The following GNAQ variants were observed in gnomAD, a reference collection of about 807,000 sequenced individuals.
The protein encoded by GNAQ is G protein subunit alpha q, also known as guanine nucleotide-binding protein G(q) subunit alpha.
GNAQ carries 8 observed loss-of-function variants against 43.9 expected under a neutral mutation model. That is an observed-to-expected ratio of 0.18 (90% CI 0.11 to 0.33). The LOEUF (loss-of-function observed/expected upper bound fraction) is 0.33. GNAQ is among the 10% of genes least tolerant of loss of function. GNAQ has a pLI of 1.00. For synonymous variants in GNAQ, 155 were observed against 170.7 expected (o/e 0.91, Z 0.71); for missense variants, 158 against 450.8 (o/e 0.35, Z 5.88).
intron 6 of GNAQ, among the ~76,000 whole-genome samples, chr9:77,724,877 AATAT>A (rs201997917): frequency 0.012 from 1,871 of 152,166 alleles, 37 homozygotes; most frequent in African/African-American, 0.042. Flanking sequence ...TATACAAGCA[AATAT>A]ATATATAATT....
intron 1 of GNAQ, among the ~76,000 whole-genome samples, chr9:77,929,506 A>C (rs965086835): frequency 2.0e-5 from 3 of 152,054 alleles, no homozygotes; most frequent in Admixed American, 6.6e-5. Context: ...TTTCTAGGTA[A>C]ATGTACTTTT....
In GNAQ at chr9:77,728,685, ATCAG is replaced by A; in HGVS notation, c.736-22_736-19del. 6.5e-7 allele frequency: 1 copy of A among 1,530,700 alleles called. No individual in the cohort carries two copies. Among genetic ancestry groups the A allele is most frequent in the Non-Finnish European group, 8.9e-7 (1 of 1,128,442 alleles). The allele number at this position is 1,530,700 out of a possible 1,614,324, so 94.8% of individuals were successfully genotyped here. On this transcript the variant is annotated intron_variant, in intron 5 of 6. Transcript: ENST00000286548. ...ATTCGGTTCTGGAAAAAAAAAAAAA[ATCAG>A]AAAAAACAAGGAGTGAATTACATGA...
intron 1 of GNAQ, among the ~76,000 whole-genome samples, chr9:77,940,256 T>C (rs952554442): frequency 6.6e-5 from 10 of 152,156 alleles, no homozygotes; most frequent in African/African-American, 1.2e-4. Context: ...ATAAAAAGTG[T>C]ATGAACTCCC....
At chr9:77,893,873 G>C (rs2118119478) in intron 2 of GNAQ, among the ~76,000 whole-genome samples, 1 of 152,252 alleles carries the variant, frequency 6.6e-6, no homozygotes, top group East Asian at 1.9e-4. Context: ...TCCATTAGAG[G>C]TGAAGTCTGC....
intron 3 of GNAQ, among the ~76,000 whole-genome samples, chr9:77,813,367 C>T (rs771897468): frequency 6.6e-6 from 1 of 152,096 alleles, no homozygotes; most frequent in East Asian, 1.9e-4. Flanking sequence ...GGAGTGTGCC[C>T]GTTTCTATGG....
intron 2 of GNAQ, among the ~76,000 whole-genome samples, chr9:77,865,734 G>A (rs985775470): frequency 5.9e-5 from 9 of 152,096 alleles, no homozygotes; most frequent in Non-Finnish European, 8.8e-5. Flanking sequence ...TCTTTCACCC[G>A]TAAAAAAGGA....
chr9:77,846,015 T>C lies in GNAQ; in HGVS notation c.322-30245A>G, dbSNP rs1194851788. Among the ~76,000 whole-genome samples the C allele has an allele frequency of 2.6e-5, 4 of 152,170 alleles. No homozygotes were observed. In the East Asian group the frequency reaches 7.7e-4, roughly 29 times the overall value. ...ATGCTCTAGCTGAGCACTGCATTCA[T>C]GTGTATTATCCTTGAGGAAACGAGG... On this transcript the variant is annotated intron_variant, in intron 2 of 6. Coordinates refer to ENST00000286548, the MANE Select transcript of GNAQ (RefSeq NM_002072.5).
intron 2 of GNAQ, among the ~76,000 whole-genome samples, chr9:77,913,755 T>C (rs1240549713): frequency 6.6e-6 from 1 of 152,162 alleles, no homozygotes; most frequent in South Asian, 2.1e-4. Flanking sequence ...CTTGGGAGTA[T>C]TGACTGGAAG....
chr9:77,835,008 C>T (rs1298500871), intron 2 of GNAQ, among the ~76,000 whole-genome samples: 1 of 151,964 alleles, frequency 6.6e-6, no homozygotes, highest in Non-Finnish European at 1.5e-5. Flanking sequence ...TTTCAAGGCC[C>T]CCAGTGGATG....
chr9:77,999,056 C>T (rs1204268729), intron 1 of GNAQ, among the ~76,000 whole-genome samples: 1 of 130,510 alleles, frequency 7.7e-6, no homozygotes, highest in Non-Finnish European at 1.6e-5. Context: ...CATGCCACTG[C>T]ACTCCAGCCT....
At chr9:77,914,933 A>G (rs1478515193) in intron 2 of GNAQ, among the ~76,000 whole-genome samples, 1 of 152,158 alleles carries the variant, frequency 6.6e-6, no homozygotes, top group Non-Finnish European at 1.5e-5. Flanking sequence ...CCATTATCAA[A>G]GCAAATCTGT....
chr9:78,021,045 CTT>C (rs545575616), intron 1 of GNAQ, among the ~76,000 whole-genome samples: 11 of 112,202 alleles, frequency 9.8e-5, no homozygotes, highest in African/African-American at 1.0e-4. Context: ...CAGGAAGCTG[CTT>C]TTTTTTTTTT....
intron 5 of GNAQ, among the ~76,000 whole-genome samples, chr9:77,760,255 G>A (rs112882796): frequency 3.3e-5 from 4 of 122,020 alleles, no homozygotes; most frequent in Non-Finnish European, 7.4e-5. Flanking sequence ...CTCTGATGCC[G>A]AGCCGAAGCT....
intron 5 of GNAQ, among the ~76,000 whole-genome samples, chr9:77,749,964 AGACTG>A (rs1825787022): frequency 6.6e-6 from 1 of 152,046 alleles, no homozygotes; most frequent in East Asian, 1.9e-4. Flanking sequence ...TCACTAATTT[AGACTG>A]TTTTATTCTC....
intron 2 of GNAQ, among the ~76,000 whole-genome samples, chr9:77,830,201 T>C (rs11145579): frequency 0.55 from 82,887 of 152,004 alleles, 25,296 homozygotes; most frequent in Middle Eastern, 0.69. Flanking sequence ...CATCCTTCTA[T>C]CTTGGTCTCT....
chr9:77,932,437 TA>T (rs1432974203), intron 1 of GNAQ, among the ~76,000 whole-genome samples: 1 of 152,136 alleles, frequency 6.6e-6, no homozygotes, highest in African/African-American at 2.4e-5. Context: ...GCTAAAGAAT[TA>T]AACGACAATG....
Position 77,717,154 on chromosome 9 carries a change from T to C in GNAQ, c.*4169A>G, listed in dbSNP as rs772184124. ...TACATATGCTGGAAATATGTAGAGA[T>C]AGATAAACATACAATATTACTAGTT... is the stretch of plus-strand genomic sequence containing the variant. On this transcript the variant is annotated 3_prime_UTR_variant, in exon 7 of 7. Coordinates refer to ENST00000286548, the MANE Select transcript of GNAQ (RefSeq NM_002072.5). 1.6e-4 allele frequency: 37 copies of C among 232,192 alleles called. No individual in the cohort carries two copies. The highest frequency in any genetic ancestry group is 2.3e-4 in the Admixed American group (4 of 17,754). The allele number at this position is 232,192 out of a possible 1,614,324, so 14.4% of individuals were successfully genotyped here.
At chr9:77,791,010 T>C (rs1216830428) in intron 5 of GNAQ, among the ~76,000 whole-genome samples, 2 of 152,200 alleles carry the variant, frequency 1.3e-5, no homozygotes, top group African/African-American at 4.8e-5. Context: ...TGAATACATG[T>C]TTATGGAAAC....
intron 5 of GNAQ, among the ~76,000 whole-genome samples, chr9:77,776,096 T>C (rs1587911356): frequency 6.6e-6 from 1 of 152,168 alleles, no homozygotes. Flanking sequence ...TGCAACAACA[T>C]AACATTTATT....
Sources: allele counts gnomAD v4.1 joint callset (sites outside exome capture counted in the v4.1 genomes callset), GRCh38; gene constraint gnomAD v4.1.1; transcripts MANE v1.5; gene names NCBI Gene and HGNC (gene_info 2026-07-23, HGNC 2026-07-21).